The following RPS6KA3 variants were observed in gnomAD, a reference collection of about 807,000 sequenced individuals.
RPS6KA3 encodes the protein ribosomal protein S6 kinase alpha-3.
In RPS6KA3, 4 loss-of-function variants were observed where a neutral mutation model predicts 67.2. The observed-to-expected ratio is 0.06, with a 90% CI of 0.03 to 0.14. The LOEUF (loss-of-function observed/expected upper bound fraction) is 0.14, where lower values mean the gene tolerates loss of function less well. RPS6KA3 is among the 10% of genes least tolerant of loss of function. The pLI, the probability that RPS6KA3 is intolerant of heterozygous loss-of-function variation, is 1.00. For synonymous variants in RPS6KA3, 182 were observed against 183.7 expected (o/e 0.99, Z 0.07); for missense variants, 204 against 559.0 (o/e 0.36, Z 6.40).
intron 15 of RPS6KA3, 33 bp from the exon 16 acceptor site, chrX:20,169,524 C>A (rs1603420708): frequency 1.2e-6 from 1 of 835,282 alleles, no homozygotes; most frequent in Non-Finnish European, 1.8e-6. Flanking sequence ...AAAACCTCAT[C>A]AACTATACAG....
intron 1 of RPS6KA3, among the ~76,000 whole-genome samples, chrX:20,254,881 C>T (rs1173816611): frequency 6.3e-5 from 7 of 111,954 alleles, no homozygotes; most frequent in African/African-American, 2.3e-4. Context: ...TCATACACTG[C>T]TGATGGGAAT....
At chrX:20,178,481 GTTTTTTTTTTTT>G (rs59662504) in intron 10 of RPS6KA3, among the ~76,000 whole-genome samples, 6 of 84,444 alleles carry the variant, frequency 7.1e-5, no homozygotes, top group Non-Finnish European at 9.2e-5. Flanking sequence ...AAACAAATCA[GTTTTTTTTTTTT>G]TTTTTTTTAA....
chrX:20,215,385 G>A (rs1010772245), intron 2 of RPS6KA3, among the ~76,000 whole-genome samples: 1 of 111,115 alleles, frequency 9.0e-6, no homozygotes, highest in Admixed American at 9.6e-5. Context: ...ACTCTTGAGG[G>A]TAGAGAGAAA....
chrX:20,225,611 T>C (rs1158559400), intron 2 of RPS6KA3, among the ~76,000 whole-genome samples: 1 of 111,295 alleles, frequency 9.0e-6, no homozygotes, highest in East Asian at 2.8e-4. Context: ...ATGAGCACTC[T>C]ATTGTATTTT....
chrX:20,162,111 G>A (rs899852780), intron 19 of RPS6KA3, among the ~76,000 whole-genome samples: 3 of 109,654 alleles, frequency 2.7e-5, no homozygotes, highest in African/African-American at 9.9e-5. Flanking sequence ...GCCGAGGTGG[G>A]CGGATCACGA....
At chrX:20,263,829 G>A (rs2070300917) in intron 1 of RPS6KA3, among the ~76,000 whole-genome samples, 1 of 111,370 alleles carries the variant, frequency 9.0e-6, no homozygotes, top group African/African-American at 3.3e-5. Context: ...AGAGAGGGGG[G>A]GAAAAATGTC....
intron 1 of RPS6KA3, 36 bp downstream of exon 1, chrX:20,266,528 G>C: frequency 9.1e-7 from 1 of 1,092,911 alleles, no homozygotes; most frequent in Non-Finnish European, 1.2e-6. Context: ...GCGCGAGGAG[G>C]AGATGCGCCG....
chrX:20,175,043 T>C (rs2067665832), intron 14 of RPS6KA3, 121 bp downstream of exon 14: 7 of 736,604 alleles, frequency 9.5e-6, no homozygotes, highest in African/African-American at 8.2e-5. Context: ...TGTGAGCCAC[T>C]ATGCCCAGTC....
intron 15 of RPS6KA3, among the ~76,000 whole-genome samples, chrX:20,170,155 T>C (rs2067536681): frequency 8.9e-6 from 1 of 112,196 alleles, no homozygotes; most frequent in Non-Finnish European, 1.9e-5. Flanking sequence ...CCTTTTATAT[T>C]GGCTGCTCCT....
At chrX:20,257,077 A>G (rs1374180320) in intron 1 of RPS6KA3, among the ~76,000 whole-genome samples, 1 of 112,064 alleles carries the variant, frequency 8.9e-6, no homozygotes, top group African/African-American at 3.2e-5. Context: ...AACCATGAGC[A>G]CGTTATTTAA....
intron 4 of RPS6KA3, among the ~76,000 whole-genome samples, chrX:20,198,335 G>A (rs1048802546): frequency 3.6e-5 from 4 of 112,078 alleles, no homozygotes; most frequent in African/African-American, 1.3e-4. Flanking sequence ...TCTTGTCATT[G>A]AAATCTTTCC....
intron 1 of RPS6KA3, among the ~76,000 whole-genome samples, chrX:20,246,079 T>C (rs73631383): frequency 0.017 from 1,718 of 101,223 alleles, 52 homozygotes; most frequent in African/African-American, 0.061. Context: ...GATCGCGTCA[T>C]TGCACTCCAG....
At chrX:20,235,689 G>C (rs1422499326) in intron 1 of RPS6KA3, among the ~76,000 whole-genome samples, 1 of 111,163 alleles carries the variant, frequency 9.0e-6, no homozygotes, top group Non-Finnish European at 1.9e-5. Context: ...ACGGGGGAGA[G>C]AGCACTCTGG....
In RPS6KA3 at chrX:20,266,845, A is replaced by G; in HGVS notation, c.-213T>C. ...CCGCCCGAAAGCCGCGCGCCTGGCC[A>G]GAGACGCCCGCGCGCTGAGCGAGAG... On this transcript the variant is annotated 5_prime_UTR_variant, in exon 1 of 22. Transcript: ENST00000379565. The G allele has an allele frequency of 2.5e-6, 1 of 399,369 alleles. No individual in the cohort carries two copies. Among genetic ancestry groups the G allele is most frequent in the Non-Finnish European group, 3.2e-6 (1 of 314,668 alleles). The allele number at this position is 399,369 out of a possible 1,213,427, so 32.9% of individuals were successfully genotyped here. A position where few individuals can be genotyped will look rare whatever the true frequency, so the allele number is the denominator to read the frequency against.
At position 20,152,746 on chromosome X, in the gene RPS6KA3, G is replaced by C. The variant is rs1420074256; in HGVS notation, c.*2652C>G. Reference sequence around the variant, plus strand: ...CAGATGAAATAAATTTAGGTAGAAAGCCTTCCATTTTGTGAACATATAACT... The same window carrying C: ...CAGATGAAATAAATTTAGGTAGAAACCCTTCCATTTTGTGAACATATAACT... On this transcript the variant is annotated 3_prime_UTR_variant, in exon 22 of 22. Transcript: ENST00000379565. The C allele has an allele frequency of 8.9e-6, 1 of 112,496 alleles. No homozygotes were observed. The highest frequency in any genetic ancestry group is 3.2e-5 in the African/African-American group (1 of 30,963). 9.3% of individuals were successfully genotyped at this position (112,496 alleles called of 1,213,427 possible).
chrX:20,218,770 A>G (rs1351549176), intron 2 of RPS6KA3: 1 of 1,002,334 alleles, frequency 1.0e-6, no homozygotes, highest in African/African-American at 1.9e-5. Flanking sequence ...AAAACATTTT[A>G]TTCTATAAAA....
chrX:20,199,799 G>C (rs2068376026), intron 4 of RPS6KA3, among the ~76,000 whole-genome samples: 1 of 111,991 alleles, frequency 8.9e-6, no homozygotes, highest in Admixed American at 9.5e-5. Flanking sequence ...CAAAGGACTG[G>C]GAGTGAGACC....
intron 2 of RPS6KA3, among the ~76,000 whole-genome samples, chrX:20,211,039 T>A (rs2068701004): frequency 9.1e-6 from 1 of 109,508 alleles, no homozygotes; most frequent in Non-Finnish European, 1.9e-5. Context: ...AAAGTATATG[T>A]GGGATTAAGA....
At position 20,151,037 on chromosome X, in the gene RPS6KA3, A is replaced by T. The variant is rs1355905466; in HGVS notation, c.*4361T>A. 8.9e-6 allele frequency: 1 copy of T among 112,632 alleles called. No homozygotes were observed. The highest frequency in any genetic ancestry group is 1.9e-5 in the Non-Finnish European group (1 of 53,272). The allele number at this position is 112,632 out of a possible 1,213,427, so 9.3% of individuals were successfully genotyped here. On this transcript the variant is annotated 3_prime_UTR_variant, in exon 22 of 22. Coordinates refer to ENST00000379565, the MANE Select transcript of RPS6KA3 (RefSeq NM_004586.3). The stretch of plus-strand genomic sequence containing the variant: ...GTTAAAAAACTAGAATCAAAGTGGT[A>T]AATGTGAGGCTGATAGTAATACCAG...
Sources: allele counts gnomAD v4.1 joint callset (sites outside exome capture counted in the v4.1 genomes callset), GRCh38; gene constraint gnomAD v4.1.1; transcripts MANE v1.5; gene names NCBI Gene and HGNC (gene_info 2026-07-23, HGNC 2026-07-21).